Variants in MYBL2 observed in about 807,000 individuals in gnomAD.
MYBL2 encodes the protein myb-related protein B.
MYBL2 carries 28 observed loss-of-function variants against 79.9 expected under a neutral mutation model. The observed-to-expected ratio is 0.35, with a 90% CI of 0.26 to 0.48. MYBL2 has a LOEUF of 0.48. Ranked by LOEUF, MYBL2 falls within the 20% of genes least tolerant of loss-of-function variation. The probability of loss-of-function intolerance (pLI) is 0.99; values close to 1 mark genes in which losing one functional copy is unlikely to be tolerated. For missense variants in MYBL2, 735 were observed against 893.9 expected, an observed-to-expected ratio of 0.82 and a Z score of 2.27; for synonymous variants, 378 against 361.2, an observed-to-expected ratio of 1.05 and a Z score of -0.53.
chr20:43,706,203 G>T (rs148140301), intron 9 of MYBL2, among the ~76,000 whole-genome samples: 92 of 152,268 alleles, frequency 6.0e-4, no homozygotes, highest in African/African-American at 2.0e-3. Context: ...CGCTTCCTAA[G>T]GTTTCAGGTG....
chr20:43,670,335 A>G (rs1238650548), intron 1 of MYBL2, among the ~76,000 whole-genome samples: 1 of 152,094 alleles, frequency 6.6e-6, no homozygotes, highest in Non-Finnish European at 1.5e-5. Flanking sequence ...TTCTATATTG[A>G]AGTGGTGGAG....
At chr20:43,677,777 C>T (rs1473035008) in intron 2 of MYBL2, among the ~76,000 whole-genome samples, 3 of 152,200 alleles carry the variant, frequency 2.0e-5, no homozygotes, top group African/African-American at 7.2e-5. Context: ...AGCCCCTCTG[C>T]CCGGCCACCA....
intron 11 of MYBL2, among the ~76,000 whole-genome samples, chr20:43,712,471 T>C (rs1393110006): frequency 6.6e-6 from 1 of 152,026 alleles, no homozygotes; most frequent in East Asian, 1.9e-4. Context: ...GAGTGCACTG[T>C]TGGGTAGAGT....
intron 9 of MYBL2, among the ~76,000 whole-genome samples, chr20:43,705,672 A>AATATT (rs1555812354): frequency 6.9e-6 from 1 of 144,646 alleles, no homozygotes; most frequent in East Asian, 2.0e-4. Context: ...AATTAAAAAA[A>AATATT]TATTTATTTA....
intron 12 of MYBL2, among the ~76,000 whole-genome samples, chr20:43,714,256 C>T (rs1216707633): frequency 6.6e-6 from 1 of 152,016 alleles, no homozygotes; most frequent in East Asian, 1.9e-4. Flanking sequence ...ACTGGAAGGG[C>T]GTGGGAGGGG....
intron 9 of MYBL2, among the ~76,000 whole-genome samples, chr20:43,706,070 TC>T (rs1332144271): frequency 6.6e-6 from 1 of 152,198 alleles, no homozygotes; most frequent in African/African-American, 2.4e-5. Flanking sequence ...AAAGTGATCT[TC>T]CTGCCACAGC....
rs186379103 is a variant in MYBL2, at chr20:43,669,977, G to A, written c.20+2674G>A. On this transcript the variant is annotated intron_variant, in intron 1 of 13. Transcript: ENST00000217026. ...AAATTAGCCGGGCGTGGTGGTAGGC[G>A]CCTGTAAGCGCGGCTATTCGGGAGG... Among the ~76,000 whole-genome samples, 703 of 152,306 alleles carry A rather than the reference G, an allele frequency of 4.6e-3. 3 individuals carry two copies. The highest frequency in any genetic ancestry group is 0.016 in the African/African-American group (664 of 41,562).
chr20:43,709,092 G>A (rs896093552), intron 9 of MYBL2, among the ~76,000 whole-genome samples: 5 of 152,178 alleles, frequency 3.3e-5, no homozygotes, highest in East Asian at 3.9e-4. Context: ...TGGAGGCGGC[G>A]AGGCCCCAGG....
intron 12 of MYBL2, among the ~76,000 whole-genome samples, chr20:43,713,638 C>T (rs1475455131): frequency 1.3e-5 from 2 of 152,178 alleles, no homozygotes; most frequent in African/African-American, 4.8e-5. Context: ...CTGCCTGCCT[C>T]GGCCTCCCAG....
At chr20:43,697,697 A>G (rs1987576500) in intron 6 of MYBL2, among the ~76,000 whole-genome samples, 1 of 151,990 alleles carries the variant, frequency 6.6e-6, no homozygotes, top group African/African-American at 2.4e-5. Context: ...AGGTCAGGAG[A>G]TGGAGACCAT....
intron 6 of MYBL2, 139 bp from the exon 7 acceptor site, chr20:43,699,618 C>T: frequency 1.1e-6 from 1 of 915,210 alleles, no homozygotes; most frequent in Non-Finnish European, 1.6e-6. Context: ...TATGGTATGG[C>T]TAATTATTCT....
Position 43,716,217 on chromosome 20 carries a change from T to G in MYBL2, c.*130T>G. On this transcript the variant is annotated 3_prime_UTR_variant, in exon 14 of 14. Coordinates refer to ENST00000217026, the MANE Select transcript of MYBL2 (RefSeq NM_002466.4). ...TTCTGCCACCAGCCCCTCCCCAGACTCTCAGGTGGAGGCAACAGGGCCATG... is the reference window on the plus strand; with the variant it reads ...TTCTGCCACCAGCCCCTCCCCAGACGCTCAGGTGGAGGCAACAGGGCCATG... The G allele has an allele frequency of 7.1e-7, 1 of 1,415,902 alleles. No individual in the cohort carries two copies. Among genetic ancestry groups the G allele is most frequent in the Non-Finnish European group, 9.5e-7 (1 of 1,052,378 alleles). 87.7% of individuals were successfully genotyped at this position (1,415,902 alleles called of 1,614,324 possible). A position where few individuals can be genotyped will look rare whatever the true frequency, so the allele number is the denominator to read the frequency against.
At chr20:43,708,670 T>A (rs1600564637) in intron 9 of MYBL2, among the ~76,000 whole-genome samples, 2 of 152,140 alleles carry the variant, frequency 1.3e-5, no homozygotes, top group African/African-American at 4.8e-5. Flanking sequence ...AGTGATCCTC[T>A]CCTGTCAGCC....
intron 8 of MYBL2, 130 bp from the exon 9 acceptor site, chr20:43,705,089 A>G: frequency 8.4e-7 from 1 of 1,192,322 alleles, no homozygotes; most frequent in South Asian, 1.5e-5. Flanking sequence ...ATGGGTCAAG[A>G]GGGGACCTCA....
rs372802700 is a variant in MYBL2, at chr20:43,687,203, G to A, written c.500+131G>A. ...TGTAACACCCAGCCTCGGCTCCAGG[G>A]CTCCCAGAGGCATGCATAGTCAGGA... On this transcript the variant is annotated intron_variant, in intron 5 of 13. Coordinates refer to ENST00000217026, the MANE Select transcript of MYBL2 (RefSeq NM_002466.4). 7.8e-6 allele frequency: 7 copies of A among 896,576 alleles called. No homozygotes were observed. The African/African-American group carries it at 8.3e-5, about 11-fold the overall frequency. 55.5% of individuals were successfully genotyped at this position (896,576 alleles called of 1,614,324 possible).
chr20:43,670,709 A>G (rs1986833895), intron 1 of MYBL2, among the ~76,000 whole-genome samples: 1 of 152,180 alleles, frequency 6.6e-6, no homozygotes, highest in Admixed American at 6.6e-5. Flanking sequence ...GACTCTAGGA[A>G]GCAACGGTGA....
intron 13 of MYBL2, 129 bp downstream of exon 13, chr20:43,715,412 C>G: frequency 4.1e-6 from 6 of 1,450,680 alleles, no homozygotes; most frequent in Non-Finnish European, 5.6e-6. Flanking sequence ...TAGGCTGTTC[C>G]TCTGCCTGGG....
intron 9 of MYBL2, among the ~76,000 whole-genome samples, chr20:43,708,766 G>A (rs963850538): frequency 9.9e-5 from 15 of 152,176 alleles, no homozygotes; most frequent in Admixed American, 5.2e-4. Flanking sequence ...TTGATGCCAC[G>A]AATTAGAGAG....
Position 43,711,541 on chromosome 20 carries a change from T to C in MYBL2, c.1659T>C (p.Ala553=), listed in dbSNP as rs1412780997. The C allele has an allele frequency of 1.2e-6, 2 of 1,613,714 alleles. No homozygotes were observed. Among genetic ancestry groups the C allele is most frequent in the Non-Finnish European group, 1.7e-6 (2 of 1,179,870 alleles). The change falls in exon 11 of 14, where the codon GCT becomes GCC. Residue 553 remains alanine, a synonymous_variant. Coordinates refer to ENST00000217026, the MANE Select transcript of MYBL2 (RefSeq NM_002466.4). ...TGAAGGAGGTGCTGCGTTCTGAGGC[T>C]GGCATCGAACTCATCATCGAGGACG... The part of the protein sequence containing the change: ...EDLKEVLRSE[A]GIELIIEDDI...
Sources: gnomAD v4.1 joint callset for allele counts (sites outside exome capture counted in the v4.1 genomes callset) on GRCh38, gnomAD v4.1.1 for gene constraint, MANE v1.5 for transcripts, NCBI Gene and HGNC (gene_info 2026-07-23, HGNC 2026-07-21) for gene names.